RIPK4: variants seen among roughly 807,000 people sequenced by gnomAD.
RIPK4 encodes the protein receptor interacting serine/threonine kinase 4, also known as receptor-interacting serine/threonine-protein kinase 4.
A neutral mutation model predicts 42.9 loss-of-function variants in RIPK4; 17 were observed. That is an observed-to-expected ratio of 0.40 (90% confidence interval 0.27 to 0.59). The LOEUF (loss-of-function observed/expected upper bound fraction) is 0.59, where lower values mean the gene tolerates loss of function less well. RIPK4 is among the 20% of genes least tolerant of loss of function. The pLI is 0.47. For missense variants in RIPK4, 897 were observed against 1,104.4 expected (o/e 0.81, Z 2.66); for synonymous variants, 498 against 499.1 (o/e 1.00, Z 0.03).
chr21:41,756,856 C>A, intron 1 of RIPK4, 40 bp from the exon 2 acceptor site: 1 of 1,588,628 alleles, frequency 6.3e-7, no homozygotes, highest in Non-Finnish European at 8.6e-7. Context: ...GCAATGGTCA[C>A]TCAGCCACAA....
chr21:41,753,743 A>G (rs904045804), intron 2 of RIPK4, among the ~76,000 whole-genome samples: 2 of 152,202 alleles, frequency 1.3e-5, no homozygotes, highest in African/African-American at 4.8e-5. Context: ...AGCTGTCAAG[A>G]CTAAGAAAGC....
chr21:41,763,166 C>T (rs1020227281), intron 1 of RIPK4, among the ~76,000 whole-genome samples: 1 of 152,080 alleles, frequency 6.6e-6, no homozygotes, highest in Non-Finnish European at 1.5e-5. Flanking sequence ...AATCTCTGGG[C>T]ATTAATTAGG....
chr21:41,756,907 A>T, intron 1 of RIPK4, 91 bp from the exon 2 acceptor site: 1 of 1,382,514 alleles, frequency 7.2e-7, no homozygotes, highest in South Asian at 1.4e-5. Flanking sequence ...CCAGCTCCAG[A>T]GGGCTGAGCA....
At position 41,741,520 on chromosome 21, in the gene RIPK4, C is replaced by T. The variant is rs140853685; in HGVS notation, c.1673G>A (p.Arg558His). ...GQENIVRILL[R>H]RGVDVSLQGK... ...CTGCAGGCTCACGTCCACGCCTCGG[C>T]GCAGCAGGATGCGCACGATATTCTC... is the stretch of plus-strand genomic sequence containing the variant. Residue 558 changes from arginine (R) to histidine (H), a missense_variant, in exon 8 of 8, where the codon CGC (arginine) becomes CAC (histidine). Arg to His is a conservative substitution (Grantham distance 29, BLOSUM62 0). Coordinates refer to ENST00000332512, the MANE Select transcript of RIPK4 (RefSeq NM_020639.3). 16 of 1,612,436 alleles carry T rather than the reference C, an allele frequency of 9.9e-6. No individual in the cohort carries two copies. The highest frequency in any genetic ancestry group is 4.4e-5 in the South Asian group (4 of 91,070).
intron 3 of RIPK4, among the ~76,000 whole-genome samples, chr21:41,749,735 G>C (rs923977683): frequency 6.6e-6 from 1 of 152,052 alleles, no homozygotes; most frequent in Non-Finnish European, 1.5e-5. Context: ...CATCATTAGA[G>C]GGTTGTTAAA....
At chr21:41,766,384 A>G (rs2146065187) in intron 1 of RIPK4, among the ~76,000 whole-genome samples, 1 of 152,366 alleles carries the variant, frequency 6.6e-6, no homozygotes, top group East Asian at 1.9e-4. Flanking sequence ...CCACTCACAA[A>G]GCCCAGAGGC....
chr21:41,748,931 A>G (rs540247776), intron 4 of RIPK4, among the ~76,000 whole-genome samples: 3 of 152,320 alleles, frequency 2.0e-5, no homozygotes, highest in African/African-American at 7.2e-5. Flanking sequence ...TATGTTATAT[A>G]TATTTTACTA....
intron 1 of RIPK4, among the ~76,000 whole-genome samples, chr21:41,760,422 G>C (rs368325814): frequency 6.6e-6 from 1 of 152,202 alleles, no homozygotes; most frequent in African/African-American, 2.4e-5. Context: ...TTGAAAGGAA[G>C]GTCCAGGGAG....
Position 41,746,855 on chromosome 21 carries a change from G to A in RIPK4, c.674-84C>T, listed in dbSNP as rs116839817. 2,181 of 1,462,098 alleles carry A rather than the reference G, an allele frequency of 1.5e-3. 29 individuals are homozygous for A. In the African/African-American group the frequency reaches 0.026, roughly 17 times the overall value. 90.6% of individuals were successfully genotyped at this position (1,462,098 alleles called of 1,614,324 possible). On this transcript the variant is annotated intron_variant, in intron 4 of 7. Coordinates refer to ENST00000332512, the MANE Select transcript of RIPK4 (RefSeq NM_020639.3). ...CTTGGGAGGAAACGACACACTCGCC[G>A]GGGGCCACAATGGGGCCATCCCCAC...
chr21:41,761,526 G>A (rs142057168), intron 1 of RIPK4, among the ~76,000 whole-genome samples: 7 of 152,308 alleles, frequency 4.6e-5, no homozygotes, highest in African/African-American at 1.4e-4. Flanking sequence ...GGGCGCTGGC[G>A]AAAGTCCTTC....
chr21:41,741,360 G>A lies in RIPK4; in HGVS notation c.1833C>T (p.Ala611=), dbSNP rs146788763. 3.5e-5 allele frequency: 56 copies of A among 1,611,532 alleles called. No homozygotes were observed. Among genetic ancestry groups the A allele is most frequent in the Admixed American group, 6.7e-5 (4 of 59,980 alleles). The part of the protein sequence containing the change: ...TLDGRTPLHL[A]AQRGHYRVAR... ...CCACGCGGTAGTGCCCGCGCTGTGC[G>A]GCCAGGTGCAATGGCGTCCTCCCAT... The change falls in exon 8 of 8, where the codon GCC becomes GCT. Residue 611 remains alanine (A), a synonymous_variant. Transcript: ENST00000332512.
chr21:41,755,518 C>T lies in RIPK4; in HGVS notation c.474+1007G>A, dbSNP rs2146055806. 6.6e-6 allele frequency among the ~76,000 whole-genome samples: 1 copy of T among 152,294 alleles called. No individual in the cohort carries two copies. Among genetic ancestry groups the T allele is most frequent in the South Asian group, 2.1e-4 (1 of 4,828 alleles). Reference sequence around the variant, plus strand: ...AGGGCCGGGCCCTGAATTCAGGTCTCTCCTAATTAATGGTCAGGCCATCAG... The same window carrying T: ...AGGGCCGGGCCCTGAATTCAGGTCTTTCCTAATTAATGGTCAGGCCATCAG... On this transcript the variant is annotated intron_variant, in intron 2 of 7. Transcript: ENST00000332512. This position sits in a 1 kb window ranked among gnomAD's most constrained non-coding sequence, Gnocchi z 4.2.
rs71188681 is a variant in RIPK4 at position 41,758,041 on chromosome 21, TAGAGAGAG to T, written c.183-1233_183-1226del. 3.2e-3 allele frequency among the ~76,000 whole-genome samples: 188 copies of T among 58,432 alleles called. 3 individuals are homozygous for T. The highest frequency in any genetic ancestry group is 0.011 in the African/African-American group (112 of 9,850). 38.3% of individuals were successfully genotyped at this position (58,432 alleles called of 152,430 possible). A position where few individuals can be genotyped will look rare whatever the true frequency, so the allele number is the denominator to read the frequency against. On this transcript the variant is annotated intron_variant, in intron 1 of 7. Coordinates refer to ENST00000332512, the MANE Select transcript of RIPK4 (RefSeq NM_020639.3). The stretch of plus-strand genomic sequence containing the variant: ...AAAAAAATATATATATATATATATA[TAGAGAGAG>T]AGAGAGAGAGAGAGAGAGAGAGAGA...
rs752429815 is a variant in RIPK4 at position 41,746,753 on chromosome 21, T to G, written c.692A>C (p.His231Pro). The change falls in exon 5 of 8, where the codon CAC (histidine) becomes CCC (proline). Residue 231 changes from histidine to proline, a missense_variant. By Grantham distance (77) the His-to-Pro change is moderately conservative (BLOSUM62 -2). Transcript: ENST00000332512. ...GCCCTTCACCACCTTCACCATGATG[T>G]GCAGGATGTTCTTCTCATCTGCCAA... ...KPFADEKNIL[H>P]IMVKVVKGHR... The G allele has an allele frequency of 1.1e-5, 18 of 1,600,058 alleles. No homozygotes were observed. The African/African-American group carries it at 2.1e-4, about 19-fold the overall frequency.
intron 1 of RIPK4, among the ~76,000 whole-genome samples, chr21:41,758,041 TAGAGAGAGAGAG>T (rs71188681): frequency 1.5e-4 from 9 of 58,486 alleles, no homozygotes; most frequent in African/African-American, 5.1e-4. Flanking sequence ...TATATATATA[TAGAGAGAGAGAG>T]AGAGAGAGAG....
intron 1 of RIPK4, among the ~76,000 whole-genome samples, chr21:41,763,553 A>G (rs559533506): frequency 4.5e-4 from 68 of 152,352 alleles, no homozygotes; most frequent in Non-Finnish European, 7.8e-4. Context: ...CTCAGGTAAC[A>G]AAGAGCTCCG....
chr21:41,740,703 G>T lies in RIPK4; in HGVS notation c.*135C>A. On this transcript the variant is annotated 3_prime_UTR_variant, in exon 8 of 8. Transcript: ENST00000332512. ...GGTCAGCAGCAGCCGCCTCCTGATG[G>T]CACCATGTCACCTCTGCTTGGTTAA... 4 of 891,150 alleles carry T rather than the reference G, an allele frequency of 4.5e-6. No individual in the cohort carries two copies. Among genetic ancestry groups the T allele is most frequent in the Non-Finnish European group, 6.6e-6 (4 of 604,604 alleles). 55.2% of individuals were successfully genotyped at this position (891,150 alleles called of 1,614,324 possible). A position where few individuals can be genotyped will look rare whatever the true frequency, so the allele number is the denominator to read the frequency against.
intron 6 of RIPK4, among the ~76,000 whole-genome samples, chr21:41,745,291 T>A (rs964695096): frequency 6.6e-6 from 1 of 152,186 alleles, no homozygotes; most frequent in Non-Finnish European, 1.5e-5. Flanking sequence ...TCCAGCCTCA[T>A]CACCCGAAAA....
intron 2 of RIPK4, among the ~76,000 whole-genome samples, chr21:41,754,087 G>A (rs1038143582): frequency 6.6e-6 from 1 of 152,252 alleles, no homozygotes; most frequent in African/African-American, 2.4e-5. Context: ...TCTCAGAGGC[G>A]AATGGCAGCA....
Sources: gnomAD v4.1 joint callset for allele counts (sites outside exome capture counted in the v4.1 genomes callset) on GRCh38, gnomAD v4.1.1 for gene constraint, Gnocchi (gnomAD v3.1) non-coding constraint, MANE v1.5 for transcripts, NCBI Gene and HGNC (gene_info 2026-07-23, HGNC 2026-07-21) for gene names.